The following PIK3C2A variants were observed in gnomAD, a reference collection of about 807,000 sequenced individuals.
PIK3C2A encodes the protein phosphatidylinositol-4-phosphate 3-kinase catalytic subunit type 2 alpha, also known as phosphatidylinositol 4-phosphate 3-kinase C2 domain-containing subunit alpha.
A neutral mutation model predicts 204.5 loss-of-function variants in PIK3C2A; 97 were observed. The observed-to-expected ratio is 0.47, with a 90% CI of 0.40 to 0.56. The LOEUF is 0.56. PIK3C2A is among the 20% of genes least tolerant of loss of function. PIK3C2A has a pLI of 0.00. For missense variants in PIK3C2A, 1,735 were observed against 1,969.2 expected (o/e 0.88, Z 2.25); for synonymous variants, 653 against 664.4 (o/e 0.98, Z 0.26).
chr11:17,181,156 C>T (rs905855767), intron 1 of PIK3C2A, among the ~76,000 whole-genome samples: 4 of 152,124 alleles, frequency 2.6e-5, no homozygotes, highest in African/African-American at 2.4e-5. Flanking sequence ...CCCAGAAGCT[C>T]TCCAAACCCT....
intron 20 of PIK3C2A, among the ~76,000 whole-genome samples, chr11:17,113,070 GGT>G (rs1849051939): frequency 6.6e-6 from 1 of 151,934 alleles, no homozygotes; most frequent in Non-Finnish European, 1.5e-5. Context: ...GGACTGCAAT[GGT>G]GCAATCTCAG....
intron 6 of PIK3C2A, among the ~76,000 whole-genome samples, chr11:17,146,558 CAA>C (rs1256685151): frequency 7.2e-6 from 1 of 139,392 alleles, no homozygotes; most frequent in Admixed American, 7.2e-5. Context: ...ACTAAAAATA[CAA>C]AAAAAAAAAA....
chr11:17,114,290 A>G, intron 20 of PIK3C2A, 71 bp downstream of exon 20: 3 of 809,234 alleles, frequency 3.7e-6, no homozygotes, highest in Non-Finnish European at 6.5e-6. Flanking sequence ...TGCCTTAAGC[A>G]TACCTGCCCA....
intron 22 of PIK3C2A, among the ~76,000 whole-genome samples, chr11:17,106,347 G>C (rs1329456520): frequency 6.6e-6 from 1 of 152,108 alleles, no homozygotes; most frequent in South Asian, 2.1e-4. Flanking sequence ...AGGAGGCAGA[G>C]GTTGCAGTGA....
At chr11:17,175,397 A>G (rs971013555) in intron 1 of PIK3C2A, among the ~76,000 whole-genome samples, 18 of 152,224 alleles carry the variant, frequency 1.2e-4, no homozygotes, top group African/African-American at 4.3e-4. Flanking sequence ...AAAAGGACTT[A>G]ACAGATTGTC....
At chr11:17,160,687 G>C (rs1165495314) in intron 2 of PIK3C2A, among the ~76,000 whole-genome samples, 1 of 152,138 alleles carries the variant, frequency 6.6e-6, no homozygotes, top group Non-Finnish European at 1.5e-5. Context: ...AGCTAGGTAT[G>C]ATGGCATGCC....
chr11:17,186,843 A>C (rs1043545356), intron 1 of PIK3C2A, among the ~76,000 whole-genome samples: 1 of 152,216 alleles, frequency 6.6e-6, no homozygotes, highest in African/African-American at 2.4e-5. Flanking sequence ...TGGGAGGCCA[A>C]GGCGAATGGT....
chr11:17,110,451 G>A lies in PIK3C2A; in HGVS notation c.3525C>T (p.Leu1175=), dbSNP rs755930054. 5 of 1,611,050 alleles carry A rather than the reference G, an allele frequency of 3.1e-6. No homozygotes were observed. Among genetic ancestry groups the A allele is most frequent in the East Asian group, 2.2e-5 (1 of 44,796 alleles). The change falls in exon 22 of 33, where the codon CTC becomes CTT. Residue 1175 remains leucine (L), a synonymous_variant. Coordinates refer to ENST00000691414, the MANE Select transcript of PIK3C2A (RefSeq NM_002645.4). ...ACTTACCTCGATCTCTGCCAGTTGA[G>A]AGACATTTGAAAATTACCATCCTCA... ...LDLRMVIFKC[L]STGRDRGMVE...
At position 17,198,962 on chromosome 11, in the gene PIK3C2A, T is replaced by C. The variant is rs531946536; in HGVS notation, c.-66+8886A>G. 3.3e-5 allele frequency among the ~76,000 whole-genome samples: 5 copies of C among 151,852 alleles called. No homozygotes were observed. In the South Asian group the frequency reaches 1.0e-3, roughly 32 times the overall value. ...GGTGAAACACTGTCTCTACCAAAAA[T>C]ACAAAAATTAGCCACGCGTGCTGAC... On this transcript the variant is annotated intron_variant, in intron 1 of 32. Coordinates refer to ENST00000691414, the MANE Select transcript of PIK3C2A (RefSeq NM_002645.4).
chr11:17,118,673 T>A lies in PIK3C2A; in HGVS notation c.3007A>T (p.Asn1003Tyr). 1 of 1,536,010 alleles carries A rather than the reference T, an allele frequency of 6.5e-7. No individual in the cohort carries two copies. Among genetic ancestry groups the A allele is most frequent in the Non-Finnish European group, 9.0e-7 (1 of 1,111,562 alleles). The change falls in exon 18 of 33, where the codon AAT becomes TAT. Residue 1003 changes from asparagine to tyrosine, a missense_variant. Asn to Tyr is a moderately radical substitution (Grantham distance 143, BLOSUM62 -2). Coordinates refer to ENST00000691414, the MANE Select transcript of PIK3C2A (RefSeq NM_002645.4). ...TATAAATTGTGTGCTATCTGGATAT[T>A]TCCCAATGCCCTGGACAAAAGGAAT... ...VQFLLSRALG[N>Y]IQIAHNLYWL...
At position 17,169,208 on chromosome 11, in the gene PIK3C2A, A is replaced by T; in HGVS notation, c.534T>A (p.Thr178=). The T allele has an allele frequency of 6.2e-7, 1 of 1,614,116 alleles. No individual in the cohort carries two copies. Among genetic ancestry groups the T allele is most frequent in the Non-Finnish European group, 8.5e-7 (1 of 1,180,010 alleles). Residue 178 remains threonine (T), a synonymous_variant, in exon 2 of 33, where the codon ACT becomes ACA. Transcript: ENST00000691414. ...AATATATAGGTTCTGTAGATGGAAA[A>T]GTGGGCATTCTTGGATTGAAGCCAT... ...FQNGFNPRMP[T]FPSTEPIYLS... is the part of the protein sequence containing the mutation.
intron 22 of PIK3C2A, among the ~76,000 whole-genome samples, chr11:17,106,534 A>G (rs867571358): frequency 1.4e-4 from 21 of 152,240 alleles, no homozygotes; most frequent in African/African-American, 4.8e-4. Flanking sequence ...CTGTACATCC[A>G]TGTACTAATT....
At chr11:17,193,307 G>A (rs371273325) in intron 1 of PIK3C2A, among the ~76,000 whole-genome samples, 10 of 152,268 alleles carry the variant, frequency 6.6e-5, no homozygotes, top group East Asian at 5.8e-4. Context: ...TTTTTCCGCC[G>A]CAGTTAGAAA....
chr11:17,182,153 T>C lies in PIK3C2A; in HGVS notation c.-65-12347A>G, dbSNP rs910151588. On this transcript the variant is annotated intron_variant, in intron 1 of 32. Transcript: ENST00000691414. ...ACAAAGTTATAATCAGAAAGAAATATAGTGGGGACTTTGGGGTACTAGCAA... is the reference window on the plus strand; with the variant it reads ...ACAAAGTTATAATCAGAAAGAAATACAGTGGGGACTTTGGGGTACTAGCAA... Among the ~76,000 whole-genome samples the C allele has an allele frequency of 2.0e-5, 3 of 151,720 alleles. No homozygotes were observed. The South Asian group carries it at 6.3e-4, about 32-fold the overall frequency.
chr11:17,114,244 T>C, intron 20 of PIK3C2A, 117 bp downstream of exon 20: 3 of 566,576 alleles, frequency 5.3e-6, no homozygotes, highest in East Asian at 2.7e-5. Flanking sequence ...CAACCATCCA[T>C]GCTTATAACC....
Position 17,091,287 on chromosome 11 carries a change from A to T in PIK3C2A, c.4878+47T>A, listed in dbSNP as rs777262382. 3.2e-6 allele frequency: 5 copies of T among 1,542,928 alleles called. No homozygotes were observed. The East Asian group carries it at 9.0e-5, about 28-fold the overall frequency. On this transcript the variant is annotated intron_variant, in intron 32 of 32. Transcript: ENST00000691414. Reference sequence around the variant, plus strand: ...ACGTCAGAACTTAAAAATGAAAATTAAAAAAATAATAAACCAAGGAAACTT... The same window carrying T: ...ACGTCAGAACTTAAAAATGAAAATTTAAAAAATAATAAACCAAGGAAACTT...
At chr11:17,153,662 C>G (rs968791026) in intron 3 of PIK3C2A, among the ~76,000 whole-genome samples, 1 of 152,120 alleles carries the variant, frequency 6.6e-6, no homozygotes, top group Non-Finnish European at 1.5e-5. Context: ...AAACCAATAC[C>G]TAGAACTGGT....
intron 19 of PIK3C2A, among the ~76,000 whole-genome samples, chr11:17,114,680 G>A (rs1197184016): frequency 6.6e-6 from 1 of 152,134 alleles, no homozygotes; most frequent in African/African-American, 2.4e-5. Flanking sequence ...CAATGTATAC[G>A]AAAATGTTAA....
At chr11:17,185,584 T>C (rs1851726129) in intron 1 of PIK3C2A, among the ~76,000 whole-genome samples, 1 of 152,200 alleles carries the variant, frequency 6.6e-6, no homozygotes, top group Non-Finnish European at 1.5e-5. Flanking sequence ...AGAGAAATGA[T>C]TATACACTCT....
Sources: allele counts gnomAD v4.1 joint callset (sites outside exome capture counted in the v4.1 genomes callset), GRCh38; gene constraint gnomAD v4.1.1; transcripts MANE v1.5; gene names NCBI Gene and HGNC (gene_info 2026-07-23, HGNC 2026-07-21).